Variants in CARMIL1 observed in about 807,000 individuals in gnomAD.
The protein encoded by CARMIL1 is F-actin-uncapping protein LRRC16A.
A neutral mutation model predicts 177.1 loss-of-function variants in CARMIL1; 90 were observed. The observed-to-expected ratio is 0.51, with a 90% confidence interval of 0.43 to 0.61. CARMIL1 has a LOEUF of 0.61. CARMIL1 is among the 20% of genes least tolerant of loss of function. CARMIL1 has a pLI of 0.00. For missense variants in CARMIL1, 1,380 were observed against 1,667.0 expected (o/e 0.83, Z 3.00); for synonymous variants, 577 against 606.2 (o/e 0.95, Z 0.71).
At chr6:25,461,070 A>T (rs1438362658) in intron 8 of CARMIL1, among the ~76,000 whole-genome samples, 1 of 152,158 alleles carries the variant, frequency 6.6e-6, no homozygotes, top group African/African-American at 2.4e-5. Context: ...TTGGCATTGC[A>T]TTACATCTCT....
At chr6:25,292,686 A>G (rs143913487) in intron 2 of CARMIL1, among the ~76,000 whole-genome samples, 131 of 152,296 alleles carry the variant, frequency 8.6e-4, no homozygotes, top group Admixed American at 1.9e-3. Context: ...GCTGTTGAAC[A>G]TACACCAGGC....
At chr6:25,591,668 C>T (rs1814314914) in intron 31 of CARMIL1, among the ~76,000 whole-genome samples, 1 of 152,226 alleles carries the variant, frequency 6.6e-6, no homozygotes, top group Admixed American at 6.5e-5. Flanking sequence ...ATTCAGTCTT[C>T]AGTTTTTCTA....
intron 31 of CARMIL1, among the ~76,000 whole-genome samples, chr6:25,586,820 GGC>G (rs1386161608): frequency 1.3e-5 from 2 of 152,010 alleles, no homozygotes; most frequent in African/African-American, 4.8e-5. Context: ...CAGGCGTGGC[GGC>G]GCGCGCCTGC....
chr6:25,466,614 G>A (rs1471066953), intron 9 of CARMIL1, among the ~76,000 whole-genome samples: 2 of 152,108 alleles, frequency 1.3e-5, no homozygotes, highest in East Asian at 3.9e-4. Context: ...ATGTTTTCCT[G>A]GAGACTCTCA....
intron 26 of CARMIL1, among the ~76,000 whole-genome samples, chr6:25,550,568 G>A (rs1049970043): frequency 3.3e-5 from 5 of 152,142 alleles, no homozygotes; most frequent in African/African-American, 1.2e-4. Context: ...ACAAGTTCTT[G>A]TGGTAAGGGG....
At chr6:25,595,515 T>C (rs1814753832) in intron 32 of CARMIL1, among the ~76,000 whole-genome samples, 3 of 152,200 alleles carry the variant, frequency 2.0e-5, no homozygotes, top group Non-Finnish European at 4.4e-5. Flanking sequence ...CTTAGCATAC[T>C]ATACTTGGCA....
At chr6:25,587,790 T>G (rs1451138414) in intron 31 of CARMIL1, among the ~76,000 whole-genome samples, 2 of 152,228 alleles carry the variant, frequency 1.3e-5, no homozygotes, top group African/African-American at 4.8e-5. Flanking sequence ...TTGAATTGAC[T>G]GTCAGAAAGT....
intron 2 of CARMIL1, among the ~76,000 whole-genome samples, chr6:25,330,605 T>G (rs186111889): frequency 1.5e-4 from 22 of 151,666 alleles, no homozygotes; most frequent in Non-Finnish European, 2.9e-4. Context: ...TTTCTCAGGC[T>G]GAGGCAGGAG....
At chr6:25,345,779 A>C (rs961879706) in intron 2 of CARMIL1, among the ~76,000 whole-genome samples, 2 of 149,968 alleles carry the variant, frequency 1.3e-5, no homozygotes, top group Non-Finnish European at 2.9e-5. Context: ...ACCACGCCCA[A>C]CTAATTTTTG....
intron 29 of CARMIL1, among the ~76,000 whole-genome samples, chr6:25,574,484 T>C (rs1000857677): frequency 6.6e-6 from 1 of 152,226 alleles, no homozygotes; most frequent in African/African-American, 2.4e-5. Flanking sequence ...GTAGCATTTG[T>C]TGAATCTTAA....
intron 17 of CARMIL1, among the ~76,000 whole-genome samples, chr6:25,502,003 A>AAAC (rs1554211414): frequency 5.3e-5 from 8 of 151,188 alleles, no homozygotes; most frequent in Non-Finnish European, 5.9e-5. Flanking sequence ...AAAAAAAAAA[A>AAAC]AAAAAAAAAC....
chr6:25,456,489 G>A (rs1799542845), intron 8 of CARMIL1, among the ~76,000 whole-genome samples: 2 of 152,120 alleles, frequency 1.3e-5, no homozygotes, highest in South Asian at 4.2e-4. Context: ...TGTCCAGTTG[G>A]CATTTTATTT....
chr6:25,462,534 T>C (rs1800215988), intron 8 of CARMIL1, among the ~76,000 whole-genome samples: 1 of 152,214 alleles, frequency 6.6e-6, no homozygotes. Flanking sequence ...TCATGCATGA[T>C]GGCGGCATTT....
At chr6:25,410,929 C>T (rs1172890940) in intron 2 of CARMIL1, among the ~76,000 whole-genome samples, 2 of 152,208 alleles carry the variant, frequency 1.3e-5, no homozygotes, top group African/African-American at 4.8e-5. Flanking sequence ...AAAGGGCACA[C>T]ATATCCCCTG....
chr6:25,589,881 A>G (rs1207624490), intron 31 of CARMIL1, among the ~76,000 whole-genome samples: 1 of 152,194 alleles, frequency 6.6e-6, no homozygotes, highest in East Asian at 1.9e-4. Flanking sequence ...GGTGACTGGT[A>G]TTGATCTTAT....
chr6:25,584,779 A>G (rs1272637057), intron 31 of CARMIL1, among the ~76,000 whole-genome samples: 2 of 152,112 alleles, frequency 1.3e-5, no homozygotes, highest in African/African-American at 4.8e-5. Context: ...TCTCGAATGA[A>G]ACTTTTATGA....
chr6:25,303,667 C>G (rs755563270), intron 2 of CARMIL1, among the ~76,000 whole-genome samples: 2 of 152,236 alleles, frequency 1.3e-5, no homozygotes, highest in African/African-American at 2.4e-5. Context: ...CACAAAGGGA[C>G]TCTGTTTTAG....
intron 5 of CARMIL1, among the ~76,000 whole-genome samples, chr6:25,440,338 A>C (rs1370790968): frequency 6.6e-6 from 1 of 152,250 alleles, no homozygotes; most frequent in Non-Finnish European, 1.5e-5. Context: ...TAGTGAAAGG[A>C]AAGGCAATTC....
chr6:25,385,659 A>G (rs918276038), intron 2 of CARMIL1, among the ~76,000 whole-genome samples: 7 of 152,186 alleles, frequency 4.6e-5, no homozygotes, highest in African/African-American at 1.7e-4. Context: ...AAACTTTTGA[A>G]TACATGTTTT....
Sources: gnomAD v4.1 joint callset for allele counts (sites outside exome capture counted in the v4.1 genomes callset) on GRCh38, gnomAD v4.1.1 for gene constraint, MANE v1.5 for transcripts, NCBI Gene and HGNC (gene_info 2026-07-23, HGNC 2026-07-21) for gene names.